SORL1: variants seen among roughly 807,000 people sequenced by gnomAD.
The protein encoded by SORL1 is sortilin related receptor 1, also known as sortilin-related receptor.
SORL1 carries 127 observed loss-of-function variants against 273.7 expected under a neutral mutation model. That is an observed-to-expected ratio of 0.46 (90% confidence interval 0.40 to 0.54). SORL1 has a LOEUF of 0.54. Ranked by LOEUF, SORL1 falls within the 20% of genes least tolerant of loss-of-function variation. SORL1 has a pLI of 0.00. For missense variants in SORL1, 2,494 were observed against 2,846.1 expected (o/e 0.88, Z 2.81); for synonymous variants, 1,031 against 1,067.4 (o/e 0.97, Z 0.66).
chr11:121,605,165 T>A lies in SORL1; in HGVS notation c.4704T>A (p.Ser1568=). ...VQNLQWTADF[S]GDVTLTWMRP... ...ATCTTCAGTGGACAGCTGACTTCTC[T>A]GGGGATGTGACTTTGACCTGGATGA... is the stretch of plus-strand genomic sequence containing the variant. Residue 1568 remains serine, a synonymous_variant, in exon 34 of 48, where the codon TCT becomes TCA. Coordinates refer to ENST00000260197, the MANE Select transcript of SORL1 (RefSeq NM_003105.6). 1.2e-6 allele frequency: 2 copies of A among 1,613,738 alleles called. No individual in the cohort carries two copies. The highest frequency in any genetic ancestry group is 2.2e-5 in the South Asian group (2 of 91,064).
intron 1 of SORL1, among the ~76,000 whole-genome samples, chr11:121,457,215 G>C (rs888701761): frequency 6.6e-6 from 1 of 152,090 alleles, no homozygotes; most frequent in African/African-American, 2.4e-5. Context: ...CGAGGGGGAA[G>C]GAATGGAGGA....
intron 32 of SORL1, among the ~76,000 whole-genome samples, chr11:121,603,014 C>T (rs1863418415): frequency 6.6e-6 from 1 of 152,202 alleles, no homozygotes; most frequent in Non-Finnish European, 1.5e-5. Context: ...CACCTGTCTT[C>T]TGTATTCTCT....
chr11:121,479,494 C>T (rs893483734), intron 3 of SORL1, among the ~76,000 whole-genome samples: 3 of 152,186 alleles, frequency 2.0e-5, no homozygotes, highest in African/African-American at 7.2e-5. Flanking sequence ...TTGAGGTCTC[C>T]TAGCAGGGGC....
rs181514748 is a variant in SORL1, at chr11:121,502,223, C to T, written c.939+5174C>T. Among the ~76,000 whole-genome samples, 838 of 146,330 alleles carry T rather than the reference C, an allele frequency of 5.7e-3. 6 individuals carry two copies. The highest frequency in any genetic ancestry group is 0.02 in the African/African-American group (780 of 39,388). ...TGATCTCGGCTCACTGCAAGCTCCG[C>T]CTCCTGGGTTCATGCCATTCTCCTG... On this transcript the variant is annotated intron_variant, in intron 6 of 47. Transcript: ENST00000260197.
At chr11:121,601,582 T>TG (rs1863392245) in intron 32 of SORL1, among the ~76,000 whole-genome samples, 1 of 98,808 alleles carries the variant, frequency 1.0e-5, no homozygotes, top group Non-Finnish European at 2.2e-5. Flanking sequence ...TTTTAATGAT[T>TG]GTTTTTTTTT....
At chr11:121,584,393 T>C (rs184767329) in intron 26 of SORL1, among the ~76,000 whole-genome samples, 173 of 152,364 alleles carry the variant, frequency 1.1e-3, no homozygotes, top group African/African-American at 3.8e-3. Flanking sequence ...ATACTTTTTC[T>C]ACCTAGTGAC....
At chr11:121,549,699 A>C (rs1862480145) in intron 14 of SORL1, among the ~76,000 whole-genome samples, 1 of 151,020 alleles carries the variant, frequency 6.6e-6, no homozygotes, top group African/African-American at 2.4e-5. Flanking sequence ...GCTAAAATTT[A>C]ATACTGTTTT....
chr11:121,471,276 C>T (rs1042130198), intron 2 of SORL1, among the ~76,000 whole-genome samples: 3 of 152,192 alleles, frequency 2.0e-5, no homozygotes, highest in Admixed American at 6.5e-5. Flanking sequence ...CCAGTGTTGC[C>T]ACATCTTCTG....
chr11:121,505,899 T>G (rs1039228105), intron 6 of SORL1, among the ~76,000 whole-genome samples: 1 of 152,222 alleles, frequency 6.6e-6, no homozygotes, highest in Non-Finnish European at 1.5e-5. Flanking sequence ...ATGAAACATG[T>G]GCTTTGAGAA....
intron 1 of SORL1, among the ~76,000 whole-genome samples, chr11:121,458,728 G>T (rs1008405001): frequency 2.0e-5 from 3 of 152,216 alleles, no homozygotes; most frequent in African/African-American, 7.2e-5. Context: ...GAAGTGGCAT[G>T]GGCGGCCTTC....
intron 27 of SORL1, among the ~76,000 whole-genome samples, chr11:121,587,591 G>A (rs373186831): frequency 2.6e-5 from 4 of 152,118 alleles, no homozygotes; most frequent in African/African-American, 9.7e-5. Flanking sequence ...CAAATTTTGG[G>A]GGAACACAGT....
chr11:121,622,419 C>T (rs183426906), intron 45 of SORL1, 151 bp downstream of exon 45: 2 of 566,272 alleles, frequency 3.5e-6, no homozygotes, highest in Admixed American at 6.1e-5. Context: ...AATTAAAGGA[C>T]CATTTTCAGT....
At chr11:121,531,563 A>G (rs950532285) in intron 11 of SORL1, among the ~76,000 whole-genome samples, 4 of 152,198 alleles carry the variant, frequency 2.6e-5, no homozygotes, top group African/African-American at 4.8e-5. Flanking sequence ...TCATGAAATT[A>G]AGCCTTCTGG....
At chr11:121,500,981 G>A (rs1410497046) in intron 6 of SORL1, among the ~76,000 whole-genome samples, 1 of 152,144 alleles carries the variant, frequency 6.6e-6, no homozygotes, top group African/African-American at 2.4e-5. Context: ...GAACAGTTTA[G>A]TAACTGCTAC....
At chr11:121,505,164 C>G (rs1393763020) in intron 6 of SORL1, among the ~76,000 whole-genome samples, 1 of 152,006 alleles carries the variant, frequency 6.6e-6, no homozygotes, top group East Asian at 1.9e-4. Context: ...TAAAATTTCT[C>G]TTTGGTTCAG....
intron 8 of SORL1, among the ~76,000 whole-genome samples, chr11:121,519,929 AG>A (rs1160486780): frequency 6.6e-6 from 1 of 152,156 alleles, no homozygotes; most frequent in Non-Finnish European, 1.5e-5. Flanking sequence ...TGACCCTAAA[AG>A]TTGAAAAGAA....
intron 11 of SORL1, among the ~76,000 whole-genome samples, chr11:121,528,640 G>A (rs1862158314): frequency 6.6e-6 from 1 of 152,062 alleles, no homozygotes; most frequent in East Asian, 1.9e-4. Flanking sequence ...AAGTTACTTA[G>A]CAAAGTGTTA....
chr11:121,453,864 TC>T (rs1860856297), intron 1 of SORL1, among the ~76,000 whole-genome samples: 1 of 152,226 alleles, frequency 6.6e-6, no homozygotes, highest in African/African-American at 2.4e-5. Context: ...TTGACTGCAG[TC>T]ACCCTGTCTT....
chr11:121,486,543 G>A (rs138337950), intron 3 of SORL1, among the ~76,000 whole-genome samples: 3,380 of 149,378 alleles, frequency 0.023, 66 homozygotes, highest in East Asian at 0.1. Context: ...GTAGTGGCAC[G>A]CTCTTGGCTC....
Sources: gnomAD v4.1 joint callset for allele counts (sites outside exome capture counted in the v4.1 genomes callset) on GRCh38, gnomAD v4.1.1 for gene constraint, MANE v1.5 for transcripts, NCBI Gene and HGNC (gene_info 2026-07-23, HGNC 2026-07-21) for gene names.